PKD1L1: variants seen among roughly 807,000 people sequenced by gnomAD.
PKD1L1 encodes polycystin 1 like 1, transient receptor potential channel interacting.
In PKD1L1, 236 loss-of-function variants were observed where a neutral mutation model predicts 323.4. The ratio of observed to expected loss-of-function variants is 0.73; its 90% CI spans 0.66 to 0.81. PKD1L1 has a LOEUF of 0.81. Among genes scored for constraint, PKD1L1 ranks in the 40% least tolerant of loss-of-function variants. The pLI is 0.00. For synonymous variants in PKD1L1, 1,344 were observed against 1,335.0 expected (o/e 1.01, Z -0.15); for missense variants, 3,320 against 3,508.0 (o/e 0.95, Z 1.35).
intron 26 of PKD1L1, among the ~76,000 whole-genome samples, chr7:47,862,448 T>C (rs747385556): frequency 1.3e-5 from 2 of 152,096 alleles, no homozygotes; most frequent in African/African-American, 4.8e-5. Flanking sequence ...CCATTGCCCA[T>C]CTCTCTTGAG....
intron 1 of PKD1L1, among the ~76,000 whole-genome samples, chr7:47,943,938 T>C (rs1788048274): frequency 1.3e-5 from 2 of 152,270 alleles, no homozygotes; most frequent in South Asian, 2.1e-4. Flanking sequence ...TTCCAGCCCA[T>C]GGGGATCTGG....
intron 31 of PKD1L1, among the ~76,000 whole-genome samples, chr7:47,848,375 CA>C (rs1785709391): frequency 6.6e-6 from 1 of 151,972 alleles, no homozygotes; most frequent in African/African-American, 2.4e-5. Context: ...TGAATAAATA[CA>C]TACGGAGTGA....
intron 52 of PKD1L1, among the ~76,000 whole-genome samples, chr7:47,807,319 A>C (rs564505897): frequency 6.6e-6 from 1 of 152,258 alleles, no homozygotes; most frequent in African/African-American, 2.4e-5. Flanking sequence ...GCAGAAGTGT[A>C]GAGGAAACGA....
At chr7:47,870,500 T>C (rs1001923049) in intron 24 of PKD1L1, among the ~76,000 whole-genome samples, 16 of 151,582 alleles carry the variant, frequency 1.1e-4, no homozygotes, top group African/African-American at 3.9e-4. Flanking sequence ...CCAAAAAAAA[T>C]AGAGAATGTA....
At position 47,899,045 on chromosome 7, in the gene PKD1L1, C is replaced by T. The variant is rs571540842; in HGVS notation, c.2065-851G>A. Among the ~76,000 whole-genome samples the T allele has an allele frequency of 2.0e-5, 3 of 152,344 alleles. No homozygotes were observed. The South Asian group carries it at 6.2e-4, about 32-fold the overall frequency. On this transcript the variant is annotated intron_variant, in intron 13 of 56. Transcript: ENST00000289672. ...ACATTCAGAGTAAGAAGCTGGGGCA[C>T]TAGTTACTTCCAAAGGTGACCAATA...
chr7:47,811,154 C>CT (rs11412484), intron 50 of PKD1L1, among the ~76,000 whole-genome samples: 68,120 of 121,170 alleles, frequency 0.56, 17,470 homozygotes, highest in East Asian at 0.86. Context: ...ATGTCTCCTT[C>CT]TTTTTTTTTT....
chr7:47,856,913 C>A (rs1785917090), intron 28 of PKD1L1, among the ~76,000 whole-genome samples: 1 of 142,704 alleles, frequency 7.0e-6, no homozygotes, highest in Non-Finnish European at 1.5e-5. Flanking sequence ...TCGGGGGCTA[C>A]AGAAATAGAG....
intron 46 of PKD1L1, 42 bp from the exon 47 acceptor site, chr7:47,815,499 C>A (rs781555629): frequency 2.9e-5 from 46 of 1,598,290 alleles, no homozygotes; most frequent in Non-Finnish European, 3.8e-5. Flanking sequence ...TCTGCATCAA[C>A]AAGAACAATG....
chr7:47,887,745 G>A (rs752254663), intron 17 of PKD1L1, among the ~76,000 whole-genome samples: 14 of 152,270 alleles, frequency 9.2e-5, no homozygotes, highest in African/African-American at 1.7e-4. Context: ...GGTGTTGGGC[G>A]CAGCCTTCCA....
chr7:47,894,811 T>C (rs1316490097), intron 14 of PKD1L1, among the ~76,000 whole-genome samples: 1 of 146,348 alleles, frequency 6.8e-6, no homozygotes, highest in Non-Finnish European at 1.5e-5. Context: ...TGAGCTGAGA[T>C]CACACCACTA....
chr7:47,854,502 T>A (rs367651089), intron 30 of PKD1L1, among the ~76,000 whole-genome samples: 1 of 152,186 alleles, frequency 6.6e-6, no homozygotes. Flanking sequence ...GAACTCAACA[T>A]TCCTGAGAAA....
chr7:47,949,099 G>C (rs1214320460), upstream of PKD1L1, among the ~76,000 whole-genome samples: 2 of 151,902 alleles, frequency 1.3e-5, no homozygotes, highest in Non-Finnish European at 2.9e-5. Flanking sequence ...GGCTGGGCGC[G>C]GTGGCTCACG....
intron 46 of PKD1L1, among the ~76,000 whole-genome samples, chr7:47,816,234 A>G (rs1785016206): frequency 6.6e-6 from 1 of 152,256 alleles, no homozygotes; most frequent in South Asian, 2.1e-4. Context: ...GTGTTGGCAC[A>G]AACACTAGTC....
chr7:47,776,806 G>A (rs1388512346), intron 56 of PKD1L1, among the ~76,000 whole-genome samples: 1 of 152,180 alleles, frequency 6.6e-6, no homozygotes, highest in Non-Finnish European at 1.5e-5. Context: ...ACATTGCTCC[G>A]CAATAAAATT....
At position 47,833,441 on chromosome 7, in the gene PKD1L1, C is replaced by A. The variant is rs1785391046; in HGVS notation, c.6175-189G>T. On this transcript the variant is annotated intron_variant, in intron 40 of 56. Transcript: ENST00000289672. ...GCCTGGGAGCCGGCTCCTTTGTACCCCTTGGGGGACGGTGGGTGCCCCTGG... is the reference window on the plus strand; with the variant it reads ...GCCTGGGAGCCGGCTCCTTTGTACCACTTGGGGGACGGTGGGTGCCCCTGG... Among the ~76,000 whole-genome samples the A allele has an allele frequency of 2.0e-5, 3 of 152,254 alleles. No individual in the cohort carries two copies. In the South Asian group the frequency reaches 6.2e-4, roughly 32 times the overall value.
At chr7:47,874,545 TG>T (rs1219238524) in intron 23 of PKD1L1, among the ~76,000 whole-genome samples, 1 of 152,198 alleles carries the variant, frequency 6.6e-6, no homozygotes, top group African/African-American at 2.4e-5. Context: ...TCTCAAGATG[TG>T]GTCTATGGAC....
At chr7:47,791,527 G>A (rs1786948531) in intron 56 of PKD1L1, among the ~76,000 whole-genome samples, 1 of 149,228 alleles carries the variant, frequency 6.7e-6, no homozygotes, top group Admixed American at 6.7e-5. Flanking sequence ...ATTTTTACCT[G>A]TTGATGGCAA....
At chr7:47,902,910 G>A (rs1420981166) in intron 12 of PKD1L1, among the ~76,000 whole-genome samples, 1 of 152,194 alleles carries the variant, frequency 6.6e-6, no homozygotes, top group African/African-American at 2.4e-5. Flanking sequence ...CATAACTGGG[G>A]GGTCTCCGGG....
intron 45 of PKD1L1, among the ~76,000 whole-genome samples, chr7:47,826,163 C>T (rs189666295): frequency 2.0e-5 from 3 of 152,290 alleles, no homozygotes; most frequent in East Asian, 3.9e-4. Flanking sequence ...TTCTCAGATA[C>T]ATCAGGTACC....
Sources: gnomAD v4.1 joint callset for allele counts (sites outside exome capture counted in the v4.1 genomes callset) on GRCh38, gnomAD v4.1.1 for gene constraint, MANE v1.5 for transcripts, NCBI Gene and HGNC (gene_info 2026-07-23, HGNC 2026-07-21) for gene names.